TSGA10: variants seen among roughly 807,000 people sequenced by gnomAD.
The protein encoded by TSGA10 is testis specific 10, also known as testis-specific gene 10 protein.
Under a neutral mutation model 96.6 loss-of-function variants are expected in TSGA10, and 43 were observed. The observed-to-expected ratio is 0.44, with a 90% CI of 0.35 to 0.57. TSGA10 has a LOEUF of 0.57. TSGA10 is among the 20% of genes least tolerant of loss of function. The pLI, the probability that TSGA10 is intolerant of heterozygous loss-of-function variation, is 0.01. For missense variants in TSGA10, 703 were observed against 834.4 expected (o/e 0.84, Z 1.94); for synonymous variants, 229 against 269.9 (o/e 0.85, Z 1.48).
chr2:99,035,180 TAA>T, intron 17 of TSGA10, 48 bp downstream of exon 17: 2 of 1,375,958 alleles, frequency 1.5e-6, no homozygotes, highest in African/African-American at 1.5e-5. Context: ...AAAATTATAC[TAA>T]CTTTACAGTA....
intron 12 of TSGA10, among the ~76,000 whole-genome samples, chr2:99,076,243 T>G (rs1371733432): frequency 6.6e-6 from 1 of 152,176 alleles, no homozygotes; most frequent in Non-Finnish European, 1.5e-5. Context: ...TTGTCAATTT[T>G]ACTTCCTTAA....
chr2:99,037,139 A>G (rs746030894), intron 16 of TSGA10, among the ~76,000 whole-genome samples: 1 of 152,220 alleles, frequency 6.6e-6, no homozygotes, highest in Non-Finnish European at 1.5e-5. Flanking sequence ...AGCGTTATCA[A>G]TCAATTGGAT....
At chr2:99,008,330 A>C (rs1434249027) in intron 20 of TSGA10, among the ~76,000 whole-genome samples, 1 of 152,238 alleles carries the variant, frequency 6.6e-6, no homozygotes, top group African/African-American at 2.4e-5. Context: ...AAATGTACTA[A>C]AAATTTTTTT....
intron 20 of TSGA10, among the ~76,000 whole-genome samples, chr2:99,011,955 T>C (rs1009889662): frequency 3.9e-5 from 6 of 152,030 alleles, no homozygotes; most frequent in Non-Finnish European, 8.8e-5. Flanking sequence ...CAAGATAAAC[T>C]ATAAAGGAAA....
At chr2:99,109,594 C>T (rs765179859) in intron 5 of TSGA10, 82 bp from the exon 6 acceptor site, 294 of 1,172,400 alleles carry the variant, frequency 2.5e-4, no homozygotes, top group Non-Finnish European at 3.2e-4. Flanking sequence ...TTATTTCAAG[C>T]TAAACTATAG....
At chr2:99,115,534 A>G (rs2092184867) in intron 4 of TSGA10, among the ~76,000 whole-genome samples, 2 of 152,104 alleles carry the variant, frequency 1.3e-5, no homozygotes, top group South Asian at 4.1e-4. Context: ...GTTCCAGACA[A>G]CATGGTTAAA....
chr2:99,149,543 C>A (rs2105149737), intron 1 of TSGA10, among the ~76,000 whole-genome samples: 1 of 146,798 alleles, frequency 6.8e-6, no homozygotes, highest in Non-Finnish European at 1.5e-5. Flanking sequence ...CCCGGGTTCA[C>A]ACCATTCTTC....
intron 2 of TSGA10, among the ~76,000 whole-genome samples, chr2:99,123,534 A>G (rs1335555692): frequency 6.6e-6 from 1 of 152,148 alleles, no homozygotes; most frequent in East Asian, 1.9e-4. Context: ...TTGTCACAAA[A>G]TATATATACA....
At chr2:99,127,202 C>A in intron 1 of TSGA10, 26 bp from the exon 2 acceptor site, 1 of 1,246,786 alleles carries the variant, frequency 8.0e-7, no homozygotes, top group Admixed American at 2.9e-5. Context: ...GGAAATAATA[C>A]AGAGGCATTC....
At chr2:99,010,549 A>G (rs1332693757) in intron 20 of TSGA10, among the ~76,000 whole-genome samples, 1 of 152,224 alleles carries the variant, frequency 6.6e-6, no homozygotes, top group Non-Finnish European at 1.5e-5. Flanking sequence ...GTAAAGTATA[A>G]AAGTAGAAGT....
chr2:99,039,308 C>CAAA (rs559487331), intron 16 of TSGA10, among the ~76,000 whole-genome samples: 32 of 123,298 alleles, frequency 2.6e-4, no homozygotes, highest in African/African-American at 8.7e-4. Context: ...TGGAAACAAC[C>CAAA]AAAAAAAAAA....
In TSGA10 at chr2:99,105,678, C is replaced by T. The variant is rs141424165; in HGVS notation, c.230G>A (p.Arg77Gln). Reference sequence around the variant, plus strand: ...GCTTTTCATCATTTCTCGTCGAAGTCGGGTAATTTCTTCCTGTGCCTATTA... The same window carrying T: ...GCTTTTCATCATTTCTCGTCGAAGTTGGGTAATTTCTTCCTGTGCCTATTA... Reference protein sequence around the residue: ...LYEQAQEEITRLRREMMKSCK... With the variant: ...LYEQAQEEITQLRREMMKSCK... Residue 77 changes from arginine to glutamine, a missense_variant, in exon 8 of 21, where the codon CGA becomes CAA. Physicochemically the swap from Arg to Gln is conservative, Grantham distance 43. Transcript: ENST00000393483. 78 of 1,590,396 alleles carry T rather than the reference C, an allele frequency of 4.9e-5. No homozygotes were observed. The African/African-American group carries it at 8.2e-4, about 17-fold the overall frequency.
rs2088781327 is a variant in TSGA10 at position 99,088,070 on chromosome 2, CTGTG to C, written c.612-6677_612-6674del. On this transcript the variant is annotated intron_variant, in intron 10 of 20. Coordinates refer to ENST00000393483, the MANE Select transcript of TSGA10 (RefSeq NM_025244.4). Reference sequence around the variant, plus strand: ...TATACAACCTTTCTCACATGGGGTTCTGTGGGAGAAAGAACTAGATAAAATTAAT... The same window carrying C: ...TATACAACCTTTCTCACATGGGGTTCGGAGAAAGAACTAGATAAAATTAAT... 3.9e-5 allele frequency among the ~76,000 whole-genome samples: 6 copies of C among 152,294 alleles called. No homozygotes were observed. The South Asian group carries it at 1.2e-3, about 32-fold the overall frequency.
rs2104755926 is a variant in TSGA10 at position 98,998,070 on chromosome 2, C to A, written c.*127G>T. On this transcript the variant is annotated 3_prime_UTR_variant, in exon 21 of 21. Coordinates refer to ENST00000393483, the MANE Select transcript of TSGA10 (RefSeq NM_025244.4). ...GCACATTAGAACAGAGATTCAGAGACACAAAGTTAATAAATACATTTAACA... is the reference window on the plus strand; with the variant it reads ...GCACATTAGAACAGAGATTCAGAGAAACAAAGTTAATAAATACATTTAACA... 2.3e-6 allele frequency: 2 copies of A among 863,658 alleles called. No homozygotes were observed. Among genetic ancestry groups the A allele is most frequent in the East Asian group, 5.1e-5 (2 of 39,466 alleles). The allele number at this position is 863,658 out of a possible 1,614,324, so 53.5% of individuals were successfully genotyped here. A position where few individuals can be genotyped will look rare whatever the true frequency, so the allele number is the denominator to read the frequency against.
chr2:99,008,020 A>G (rs1252694281), intron 20 of TSGA10, among the ~76,000 whole-genome samples: 1 of 152,226 alleles, frequency 6.6e-6, no homozygotes, highest in East Asian at 1.9e-4. Context: ...AAAAAGATAA[A>G]ATTAGATCCA....
At chr2:99,040,699 A>C (rs574408941) in intron 16 of TSGA10, among the ~76,000 whole-genome samples, 21 of 152,274 alleles carry the variant, frequency 1.4e-4, no homozygotes, top group Non-Finnish European at 2.2e-4. Flanking sequence ...TGCCAAAAAC[A>C]ATATACAAAT....
At chr2:99,020,632 TAAAC>T in intron 17 of TSGA10, 150 bp from the exon 18 acceptor site, 1 of 598,174 alleles carries the variant, frequency 1.7e-6, no homozygotes, top group Non-Finnish European at 3.0e-6. Flanking sequence ...TCTTACCAAA[TAAAC>T]ACACCACACA....
intron 10 of TSGA10, 54 bp from the exon 11 acceptor site, chr2:99,081,451 G>A: frequency 2.0e-6 from 2 of 980,952 alleles, no homozygotes; most frequent in South Asian, 3.6e-5. Flanking sequence ...TTGTCATCTT[G>A]TAGTGTGTTT....
At chr2:99,153,431 T>A (rs962085469) in intron 1 of TSGA10, among the ~76,000 whole-genome samples, 4 of 152,162 alleles carry the variant, frequency 2.6e-5, no homozygotes, top group Admixed American at 1.3e-4. Flanking sequence ...GAGTACAGCA[T>A]GTTTGAGTGT....
Sources: gnomAD v4.1 joint callset for allele counts (sites outside exome capture counted in the v4.1 genomes callset) on GRCh38, gnomAD v4.1.1 for gene constraint, MANE v1.5 for transcripts, NCBI Gene and HGNC (gene_info 2026-07-23, HGNC 2026-07-21) for gene names.